DPY19L3: variants seen among roughly 807,000 people sequenced by gnomAD.
DPY19L3 encodes dpy-19 like C-mannosyltransferase 3.
In DPY19L3, 51 loss-of-function variants were observed where a neutral mutation model predicts 92.3. The ratio of observed to expected loss-of-function variants is 0.55; its 90% CI spans 0.44 to 0.70. The LOEUF (loss-of-function observed/expected upper bound fraction) is 0.70. DPY19L3 is among the 30% of genes least tolerant of loss of function. DPY19L3 has a pLI of 0.00. For synonymous variants in DPY19L3, 309 were observed against 315.2 expected, an observed-to-expected ratio of 0.98 and a Z score of 0.21; for missense variants, 706 against 855.9, an observed-to-expected ratio of 0.82 and a Z score of 2.18.
intron 3 of DPY19L3, among the ~76,000 whole-genome samples, chr19:32,424,331 A>AAAAG (rs72542962): frequency 2.6e-5 from 4 of 151,222 alleles, no homozygotes; most frequent in African/African-American, 9.7e-5. Context: ...AAAAAAAAAA[A>AAAAG]AGAAATAAAT....
intron 12 of DPY19L3, among the ~76,000 whole-genome samples, chr19:32,458,772 T>C (rs1969948618): frequency 6.6e-6 from 1 of 152,188 alleles, no homozygotes; most frequent in Non-Finnish European, 1.5e-5. Context: ...CATAACCTTT[T>C]GATATGTCCA....
chr19:32,408,163 G>T, intron 1 of DPY19L3, 54 bp from the exon 2 acceptor site: 1 of 852,426 alleles, frequency 1.2e-6, no homozygotes, highest in Non-Finnish European at 1.9e-6. Flanking sequence ...GGATGAGCAC[G>T]GGGTGTGTTG....
At chr19:32,475,804 G>C (rs900831377) in intron 16 of DPY19L3, among the ~76,000 whole-genome samples, 1 of 152,250 alleles carries the variant, frequency 6.6e-6, no homozygotes, top group Admixed American at 6.5e-5. Flanking sequence ...ACGGGGAACA[G>C]AGCTAACATC....
At chr19:32,457,494 C>T (rs1329704877) in intron 10 of DPY19L3, among the ~76,000 whole-genome samples, 1 of 152,066 alleles carries the variant, frequency 6.6e-6, no homozygotes, top group Non-Finnish European at 1.5e-5. Flanking sequence ...CTTCATTTTT[C>T]TTCTAATAAA....
chr19:32,466,793 G>A (rs138606970), intron 15 of DPY19L3, among the ~76,000 whole-genome samples: 2 of 152,198 alleles, frequency 1.3e-5, no homozygotes, highest in Non-Finnish European at 2.9e-5. Context: ...AATGCATTCA[G>A]CTTTCACTGT....
At chr19:32,434,671 T>TA (rs1161794785) in intron 4 of DPY19L3, among the ~76,000 whole-genome samples, 1 of 152,104 alleles carries the variant, frequency 6.6e-6, no homozygotes, top group Non-Finnish European at 1.5e-5. Context: ...AATAGAAAAG[T>TA]AAAAAAATTA....
chr19:32,452,268 C>T (rs758769440), intron 8 of DPY19L3, among the ~76,000 whole-genome samples: 1 of 152,190 alleles, frequency 6.6e-6, no homozygotes, highest in Non-Finnish European at 1.5e-5. Context: ...AACTGCAGTA[C>T]AGGTGCTGTT....
At chr19:32,441,615 A>T (rs1044462316) in intron 8 of DPY19L3, among the ~76,000 whole-genome samples, 10 of 151,500 alleles carry the variant, frequency 6.6e-5, no homozygotes, top group African/African-American at 2.4e-4. Context: ...CTCCTGCCTC[A>T]GCCTCCCAAG....
chr19:32,478,162 TCTC>T (rs1970568615), intron 17 of DPY19L3, among the ~76,000 whole-genome samples: 1 of 152,060 alleles, frequency 6.6e-6, no homozygotes. Flanking sequence ...AGGGCTCGCA[TCTC>T]CTGGTCCAGG....
chr19:32,420,496 G>A (rs1398926634), intron 3 of DPY19L3, among the ~76,000 whole-genome samples: 1 of 152,032 alleles, frequency 6.6e-6, no homozygotes. Flanking sequence ...CCAGGCTGGG[G>A]TACAGTAGTG....
In DPY19L3 at chr19:32,458,367, CTCTA is replaced by C. The variant is rs1434381485; in HGVS notation, c.1184_1187del (p.Tyr395CysfsTer34). ...GTTCCCTAGGGATTTTGATGCAAAT[CTCTA>C]TCTGTGTGAAGAAGCTTTTGGCCTC... On this transcript the variant is annotated frameshift_variant, in exon 12 of 19. Transcript: ENST00000392250. LOFTEE classifies it high-confidence loss of function. The C allele has an allele frequency of 1.9e-6, 3 of 1,611,776 alleles. No homozygotes were observed. Among genetic ancestry groups the C allele is most frequent in the South Asian group, 1.1e-5 (1 of 90,374 alleles).
chr19:32,468,819 AG>A lies in DPY19L3; in HGVS notation c.1697+8del, dbSNP rs1213864832. On this transcript the variant is annotated splice_region_variant and intron_variant, in intron 16 of 18. Coordinates refer to ENST00000392250, the MANE Select transcript of DPY19L3 (RefSeq NM_001172774.2). ...GAGCTGATGAACTGGATTAAGTAAG[AG>A]GATTTTTTTTAACTTTTAAAATTTT... is the stretch of plus-strand genomic sequence containing the variant. 1 of 1,610,456 alleles carries A rather than the reference AG, an allele frequency of 6.2e-7. No individual in the cohort carries two copies. Among genetic ancestry groups the A allele is most frequent in the Non-Finnish European group, 8.5e-7 (1 of 1,178,788 alleles).
Position 32,482,307 on chromosome 19 carries a change from G to A in DPY19L3, c.*67G>A. On this transcript the variant is annotated 3_prime_UTR_variant, in exon 19 of 19. Coordinates refer to ENST00000392250, the MANE Select transcript of DPY19L3 (RefSeq NM_001172774.2). ...TGCATCATGATGAAACTCAATAGAT[G>A]ACGTTTCCTATGTAAGTAGGTAGCC... The A allele has an allele frequency of 6.4e-7, 1 of 1,553,436 alleles. No homozygotes were observed. Among genetic ancestry groups the A allele is most frequent in the South Asian group, 1.2e-5 (1 of 81,490 alleles).
At chr19:32,423,420 TGGTA>T (rs1968644034) in intron 3 of DPY19L3, among the ~76,000 whole-genome samples, 21 of 133,694 alleles carry the variant, frequency 1.6e-4, no homozygotes, top group South Asian at 2.4e-4. Flanking sequence ...TTTTTTTTTT[TGGTA>T]TTTTTAGTAG....
intron 9 of DPY19L3, among the ~76,000 whole-genome samples, chr19:32,454,109 T>C (rs1413083227): frequency 6.6e-6 from 1 of 152,176 alleles, no homozygotes; most frequent in African/African-American, 2.4e-5. Flanking sequence ...ATTATAAATA[T>C]TACTCGTATT....
At chr19:32,430,128 T>C (rs1230658442) in intron 3 of DPY19L3, among the ~76,000 whole-genome samples, 2 of 152,124 alleles carry the variant, frequency 1.3e-5, no homozygotes, top group African/African-American at 2.4e-5. Context: ...GTGGCTTCTG[T>C]CTGTAATCCC....
In DPY19L3 at chr19:32,482,123, A is replaced by C. The variant is rs1307205860; in HGVS notation, c.2034A>C (p.Ala678=). 2 of 1,613,898 alleles carry C rather than the reference A, an allele frequency of 1.2e-6. No individual in the cohort carries two copies. The highest frequency in any genetic ancestry group is 1.7e-6 in the Non-Finnish European group (2 of 1,179,850). ...AGAATGATCCTGATTTGAAACCTGC[A>C]GACCACCCTCGCTTCTGTGAAGAGA... ...PGENDPDLKP[A]DHPRFCEEIK... The change falls in exon 19 of 19, where the codon GCA becomes GCC. Residue 678 remains alanine (A), a synonymous_variant. Transcript: ENST00000392250.
chr19:32,430,743 A>G (rs549507897), intron 3 of DPY19L3, among the ~76,000 whole-genome samples: 158 of 146,464 alleles, frequency 1.1e-3, no homozygotes, highest in Admixed American at 2.4e-3. Flanking sequence ...CCCTTCCTCA[A>G]CCTCCCCAGT....
chr19:32,432,619 C>G (rs1969005740), intron 3 of DPY19L3, 97 bp from the exon 4 acceptor site: 2 of 993,160 alleles, frequency 2.0e-6, no homozygotes, highest in African/African-American at 1.7e-5. Context: ...AGAGTTTTTT[C>G]TCTTTCAAGT....
Sources: allele counts gnomAD v4.1 joint callset (sites outside exome capture counted in the v4.1 genomes callset), GRCh38; gene constraint gnomAD v4.1.1; transcripts MANE v1.5; gene names NCBI Gene and HGNC (gene_info 2026-07-23, HGNC 2026-07-21).